RIMS2: variants seen among roughly 807,000 people sequenced by gnomAD.
RIMS2 encodes the protein regulating synaptic membrane exocytosis protein 2.
A neutral mutation model predicts 174.4 loss-of-function variants in RIMS2; 59 were observed. The observed-to-expected ratio is 0.34, with a 90% CI of 0.27 to 0.42. RIMS2 has a LOEUF of 0.42. Among genes scored for constraint, RIMS2 ranks in the 10% least tolerant of loss-of-function variants. RIMS2 has a pLI of 1.00. For missense variants in RIMS2, 1,620 were observed against 1,666.3 expected (o/e 0.97, Z 0.48); for synonymous variants, 606 against 572.5 (o/e 1.06, Z -0.84).
At chr8:103,549,168 TCA>T (rs941307360) in intron 1 of RIMS2, among the ~76,000 whole-genome samples, 2 of 151,466 alleles carry the variant, frequency 1.3e-5, no homozygotes, top group African/African-American at 4.9e-5. Flanking sequence ...CACATAATTG[TCA>T]GATTCACCAA....
intron 1 of RIMS2, among the ~76,000 whole-genome samples, chr8:103,668,520 A>G (rs896795454): frequency 6.6e-6 from 1 of 152,142 alleles, no homozygotes; most frequent in Non-Finnish European, 1.5e-5. Context: ...TATATTTGTC[A>G]CAAGTCATTT....
intron 19 of RIMS2, among the ~76,000 whole-genome samples, chr8:104,075,085 G>C (rs1263056713): frequency 1.3e-5 from 2 of 152,110 alleles, no homozygotes; most frequent in African/African-American, 4.8e-5. Context: ...GAGAAAAATT[G>C]AGCTGCTGTT....
intron 2 of RIMS2, among the ~76,000 whole-genome samples, chr8:103,713,955 C>G (rs1049639597): frequency 6.6e-6 from 1 of 152,148 alleles, no homozygotes; most frequent in African/African-American, 2.4e-5. Context: ...TCCCAGTCCA[C>G]AATTCTTACC....
At chr8:103,952,162 C>T (rs1048967692) in intron 14 of RIMS2, among the ~76,000 whole-genome samples, 6 of 152,068 alleles carry the variant, frequency 3.9e-5, no homozygotes, top group South Asian at 2.1e-4. Flanking sequence ...GGGGAAGGAG[C>T]GGTTGGGGGC....
chr8:104,188,158 G>A (rs771852405), intron 19 of RIMS2, among the ~76,000 whole-genome samples: 2 of 151,494 alleles, frequency 1.3e-5, no homozygotes, highest in Non-Finnish European at 3.0e-5. Flanking sequence ...TTCAGCTTGA[G>A]GGCCACTTTT....
chr8:103,713,311 G>T (rs1456538454), intron 2 of RIMS2, among the ~76,000 whole-genome samples: 1 of 152,160 alleles, frequency 6.6e-6, no homozygotes, highest in Non-Finnish European at 1.5e-5. Flanking sequence ...GAGCCACCAT[G>T]CCCGGCCTAA....
chr8:103,541,391 C>G (rs1842511383), intron 1 of RIMS2, among the ~76,000 whole-genome samples: 1 of 152,176 alleles, frequency 6.6e-6, no homozygotes, highest in South Asian at 2.1e-4. Flanking sequence ...CAAAGCTGTT[C>G]TTCAGAAATG....
At chr8:103,748,758 T>C (rs1228366591) in intron 2 of RIMS2, among the ~76,000 whole-genome samples, 1 of 152,134 alleles carries the variant, frequency 6.6e-6, no homozygotes, top group Non-Finnish European at 1.5e-5. Context: ...AATTTTCATG[T>C]TCCAATCACC....
intron 10 of RIMS2, among the ~76,000 whole-genome samples, chr8:103,922,496 AAAT>A (rs2077880873): frequency 1.3e-5 from 2 of 151,914 alleles, no homozygotes; most frequent in Non-Finnish European, 2.9e-5. Context: ...TAAAATAGTG[AAAT>A]AATAAATTTA....
intron 1 of RIMS2, among the ~76,000 whole-genome samples, chr8:103,610,220 G>C (rs1293671647): frequency 6.6e-6 from 1 of 152,132 alleles, no homozygotes. Context: ...ATCAGACCAA[G>C]GTGCTTTTGG....
intron 19 of RIMS2, among the ~76,000 whole-genome samples, chr8:104,034,084 A>G (rs1255270999): frequency 6.6e-6 from 1 of 152,240 alleles, no homozygotes; most frequent in Non-Finnish European, 1.5e-5. Context: ...AACTTGTGGC[A>G]TCAGAAAAAC....
intron 3 of RIMS2, among the ~76,000 whole-genome samples, chr8:103,829,934 A>T (rs371763581): frequency 1.2e-4 from 19 of 152,350 alleles, no homozygotes; most frequent in African/African-American, 4.6e-4. Context: ...CTTTAAGATA[A>T]ATAGGATTGA....
At position 103,801,371 on chromosome 8, in the gene RIMS2, AT is replaced by A. The variant is rs559936328; in HGVS notation, c.698+34835del. Among the ~76,000 whole-genome samples the A allele has an allele frequency of 3.5e-3, 535 of 152,322 alleles. 2 individuals carry two copies. The highest frequency in any genetic ancestry group is 5.7e-3 in the Non-Finnish European group (385 of 68,032). On this transcript the variant is annotated intron_variant, in intron 3 of 23. Transcript: ENST00000504942. ...TACTTATTTATCCTTGAGCATATGG[AT>A]ATTTTTACAGTCTAGTAAATATATA...
At chr8:103,870,645 T>C (rs1334186431) in intron 3 of RIMS2, among the ~76,000 whole-genome samples, 1 of 152,076 alleles carries the variant, frequency 6.6e-6, no homozygotes, top group South Asian at 2.1e-4. Context: ...TCTTACTCAT[T>C]TTGCCCCTCA....
intron 1 of RIMS2, among the ~76,000 whole-genome samples, chr8:103,628,922 C>T (rs2095849853): frequency 6.6e-6 from 1 of 152,136 alleles, no homozygotes; most frequent in Admixed American, 6.5e-5. Context: ...ACTGCAGCTA[C>T]CCAGATTGTG....
intron 1 of RIMS2, among the ~76,000 whole-genome samples, chr8:103,558,870 G>T (rs1164063665): frequency 1.3e-5 from 2 of 151,934 alleles, no homozygotes; most frequent in East Asian, 1.9e-4. Context: ...TAAAAAACAA[G>T]CAGGGCCTTT....
At chr8:104,144,545 A>G (rs1417955794) in intron 19 of RIMS2, among the ~76,000 whole-genome samples, 1 of 152,208 alleles carries the variant, frequency 6.6e-6, no homozygotes, top group African/African-American at 2.4e-5. Context: ...GACACTTTTT[A>G]TGTTTATTCT....
chr8:103,985,311 T>C (rs754860379), intron 16 of RIMS2, among the ~76,000 whole-genome samples: 4 of 151,422 alleles, frequency 2.6e-5, no homozygotes, highest in Non-Finnish European at 4.4e-5. Flanking sequence ...CCGTCTCTAC[T>C]AAAAATACAA....
At chr8:103,604,032 G>A (rs2094908254) in intron 1 of RIMS2, among the ~76,000 whole-genome samples, 1 of 150,050 alleles carries the variant, frequency 6.7e-6, no homozygotes. Flanking sequence ...TTTGTCTTTT[G>A]TTGCCATTGC....
Sources: gnomAD v4.1 joint callset for allele counts (sites outside exome capture counted in the v4.1 genomes callset) on GRCh38, gnomAD v4.1.1 for gene constraint, MANE v1.5 for transcripts, NCBI Gene and HGNC (gene_info 2026-07-23, HGNC 2026-07-21) for gene names.